GSE1: variants seen among roughly 807,000 people sequenced by gnomAD.
GSE1 encodes the protein genetic suppressor element 1.
Under a neutral mutation model 112.6 loss-of-function variants are expected in GSE1, and 32 were observed. The observed-to-expected ratio is 0.28, with a 90% confidence interval of 0.21 to 0.38. GSE1 has a LOEUF of 0.38. Ranked by LOEUF, GSE1 falls within the 10% of genes least tolerant of loss-of-function variation. The pLI, the probability that GSE1 is intolerant of heterozygous loss-of-function variation, is 1.00. For synonymous variants in GSE1, 1,115 were observed against 735.6 expected (o/e 1.52, Z -8.35); for missense variants, 2,348 against 1,699.2 (o/e 1.38, Z -6.71).
intron 2 of GSE1, among the ~76,000 whole-genome samples, chr16:85,435,437 C>T (rs1360489388): frequency 6.6e-6 from 1 of 152,220 alleles, no homozygotes; most frequent in Non-Finnish European, 1.5e-5. Flanking sequence ...CCCTCCCTCC[C>T]TCTCCCTCGA....
chr16:85,381,455 C>T (rs369277222), intron 2 of GSE1, among the ~76,000 whole-genome samples: 35 of 152,278 alleles, frequency 2.3e-4, no homozygotes, highest in Non-Finnish European at 4.4e-4. Flanking sequence ...GTTTTCCCTT[C>T]TTCTGGGTAT....
chr16:85,403,350 C>T (rs770407905), intron 2 of GSE1, among the ~76,000 whole-genome samples: 1 of 152,206 alleles, frequency 6.6e-6, no homozygotes, highest in Non-Finnish European at 1.5e-5. Flanking sequence ...GGGCGGGGGC[C>T]ACCCAGGGGC....
intron 1 of GSE1, among the ~76,000 whole-genome samples, chr16:85,231,849 C>T (rs1597857693): frequency 6.6e-6 from 1 of 152,232 alleles, no homozygotes; most frequent in Non-Finnish European, 1.5e-5. Flanking sequence ...CTGAAAAAAG[C>T]TAGAAGGCGA....
At chr16:85,211,734 C>T (rs560177541) in intron 1 of GSE1, among the ~76,000 whole-genome samples, 2 of 152,288 alleles carry the variant, frequency 1.3e-5, no homozygotes, top group East Asian at 3.9e-4. Context: ...TGACAGGGTA[C>T]TGGGCACCCG....
At chr16:85,229,785 A>C (rs1191871008) in intron 1 of GSE1, among the ~76,000 whole-genome samples, 5 of 152,182 alleles carry the variant, frequency 3.3e-5, no homozygotes, top group African/African-American at 1.2e-4. Flanking sequence ...AGTAAATCCA[A>C]ATGTGATTCT....
intron 1 of GSE1, among the ~76,000 whole-genome samples, chr16:85,209,499 A>C (rs958848640): frequency 1.3e-5 from 2 of 151,790 alleles, no homozygotes. Flanking sequence ...CCCCTGGACC[A>C]CTGACCCCTC....
chr16:85,425,163 G>A (rs553671003), intron 2 of GSE1, among the ~76,000 whole-genome samples: 1 of 152,252 alleles, frequency 6.6e-6, no homozygotes. Context: ...TCCCTGCATT[G>A]TCCCAGCTGC....
chr16:85,331,421 A>ACG (rs1597408082), intron 1 of GSE1, among the ~76,000 whole-genome samples: 1 of 108,802 alleles, frequency 9.2e-6, no homozygotes, highest in African/African-American at 3.1e-5. Context: ...ATGCGTATAT[A>ACG]TGTATATATG....
intron 2 of GSE1, among the ~76,000 whole-genome samples, chr16:85,518,677 C>A (rs2052035517): frequency 6.6e-6 from 1 of 152,050 alleles, no homozygotes; most frequent in Non-Finnish European, 1.5e-5. Flanking sequence ...GTCTATAAAG[C>A]CAGAATGTGG....
At chr16:85,585,349 T>C (rs1432410978) in intron 1 of GSE1, among the ~76,000 whole-genome samples, 3 of 152,224 alleles carry the variant, frequency 2.0e-5, no homozygotes, top group Admixed American at 2.0e-4. Context: ...TCCTTCTCTC[T>C]TCCCTTTTTG....
At chr16:85,634,258 G>C in intron 2 of GSE1, 126 bp downstream of exon 2, 1 of 664,992 alleles carries the variant, frequency 1.5e-6, no homozygotes, top group Non-Finnish European at 2.3e-6. Context: ...GCTCTGCATG[G>C]AGCAGGCAGT....
chr16:85,657,557 G>T lies in GSE1; in HGVS notation c.1593G>T (p.Arg531=). ...QVLEQHLDMG[R]PPVPAEAEHR... ...TGGAGCAGCACCTGGATATGGGCCG[G>T]CCCCCGGTGCCGGCGGAGGCAGAGC... The change falls in exon 8 of 16, where the codon CGG becomes CGT. Residue 531 remains arginine, a synonymous_variant. Coordinates refer to ENST00000253458, the MANE Select transcript of GSE1 (RefSeq NM_014615.5). 2 of 1,578,910 alleles carry T rather than the reference G, an allele frequency of 1.3e-6. No homozygotes were observed. The highest frequency in any genetic ancestry group is 1.2e-5 in the South Asian group (1 of 86,544).
chr16:85,235,974 G>A (rs1239066947), intron 1 of GSE1, among the ~76,000 whole-genome samples: 1 of 135,432 alleles, frequency 7.4e-6, no homozygotes, highest in Non-Finnish European at 1.5e-5. Context: ...CTCCGGCGCC[G>A]GGCCTGGGCC....
At chr16:85,453,666 A>G in intron 2 of GSE1, among the ~76,000 whole-genome samples, 1 of 151,982 alleles carries the variant, frequency 6.6e-6, no homozygotes, top group East Asian at 1.9e-4. Flanking sequence ...TGAAGTCTAG[A>G]GCTCAGGGGG....
intron 15 of GSE1, 101 bp from the exon 16 acceptor site, chr16:85,672,304 T>G: frequency 1.1e-6 from 1 of 885,944 alleles, no homozygotes; most frequent in Non-Finnish European, 1.8e-6. Flanking sequence ...CGGGACATTT[T>G]CAAATGTAGG....
intron 6 of GSE1, 24 bp from the exon 7 acceptor site, chr16:85,656,319 C>T (rs761567268): frequency 1.4e-4 from 227 of 1,609,412 alleles, no homozygotes; most frequent in Non-Finnish European, 1.8e-4. Context: ...CAGCAGAGCC[C>T]CCAACTCTTT....
At chr16:85,376,904 G>A (rs772212090) in intron 2 of GSE1, among the ~76,000 whole-genome samples, 2 of 152,234 alleles carry the variant, frequency 1.3e-5, no homozygotes, top group African/African-American at 2.4e-5. Flanking sequence ...ACCGCACACC[G>A]CACACCCGGC....
chr16:85,246,200 T>C (rs1331404053), intron 1 of GSE1, among the ~76,000 whole-genome samples: 15 of 89,110 alleles, frequency 1.7e-4, no homozygotes, highest in South Asian at 1.0e-3. Context: ...TCAGGGACCC[T>C]ACACACACAC....
intron 1 of GSE1, among the ~76,000 whole-genome samples, chr16:85,237,604 C>T (rs553203804): frequency 2.0e-5 from 3 of 151,924 alleles, no homozygotes; most frequent in Non-Finnish European, 4.4e-5. Context: ...TTTGGGAGGC[C>T]GAGGCGGGCA....
Sources: gnomAD v4.1 joint callset for allele counts (sites outside exome capture counted in the v4.1 genomes callset) on GRCh38, gnomAD v4.1.1 for gene constraint, MANE v1.5 for transcripts, NCBI Gene and HGNC (gene_info 2026-07-23, HGNC 2026-07-21) for gene names.